Variants in CUL5 observed in about 807,000 individuals in gnomAD.
The protein encoded by CUL5 is cullin-5.
Under a neutral mutation model 108.8 loss-of-function variants are expected in CUL5, and 26 were observed. The observed-to-expected ratio is 0.24, with a 90% CI of 0.18 to 0.33. The LOEUF is 0.33. Among genes scored for constraint, CUL5 ranks in the 10% least tolerant of loss-of-function variants. The probability of loss-of-function intolerance (pLI) is 1.00; values close to 1 mark genes in which losing one functional copy is unlikely to be tolerated. For missense variants in CUL5, 524 were observed against 909.2 expected (o/e 0.58, Z 5.45); for synonymous variants, 334 against 298.0 (o/e 1.12, Z -1.25).
intron 9 of CUL5, 84 bp downstream of exon 9, chr11:108,072,546 C>T: frequency 1.6e-6 from 2 of 1,212,178 alleles, no homozygotes; most frequent in Non-Finnish European, 2.3e-6. Context: ...TGAGCGGTTA[C>T]CAGAGGCTGG....
intron 11 of CUL5, among the ~76,000 whole-genome samples, chr11:108,082,355 A>G (rs1413314588): frequency 6.7e-6 from 1 of 149,604 alleles, no homozygotes; most frequent in Non-Finnish European, 1.5e-5. Context: ...ATCATGGCTC[A>G]CTGCAGTGTT....
In CUL5 at chr11:108,033,835, G is replaced by C; in HGVS notation, c.58G>C (p.Asp20His). The C allele has an allele frequency of 6.2e-7, 1 of 1,611,608 alleles. No individual in the cohort carries two copies. The highest frequency in any genetic ancestry group is 1.1e-5 in the South Asian group (1 of 90,744). The change falls in exon 2 of 19, where the codon GAT becomes CAT. Residue 20 changes from aspartate to histidine, a missense_variant. Physicochemically the swap from Asp to His is moderately conservative, Grantham distance 81. Coordinates refer to ENST00000393094, the MANE Select transcript of CUL5 (RefSeq NM_003478.6). Reference sequence around the variant, plus strand: ...TTCTCTTCAGTTTGAAGACAAATGGGATTTTATGCGCCCGATTGTTTTGAA... The same window carrying C: ...TTCTCTTCAGTTTGAAGACAAATGGCATTTTATGCGCCCGATTGTTTTGAA... ...KGSLQFEDKW[D>H]FMRPIVLKLL...
chr11:108,032,077 G>A (rs896530067), intron 1 of CUL5, among the ~76,000 whole-genome samples: 3 of 152,044 alleles, frequency 2.0e-5, no homozygotes, highest in Admixed American at 6.6e-5. Context: ...GCTTAATCCT[G>A]GATAATGAAA....
In CUL5 at chr11:108,050,060, T is replaced by G; in HGVS notation, c.405T>G (p.Val135=). Residue 135 remains valine, a synonymous_variant, in exon 4 of 19, where the codon GTT becomes GTG. Coordinates refer to ENST00000393094, the MANE Select transcript of CUL5 (RefSeq NM_003478.6). ...AATCAAATGTGGAAGACAGTATTGT[T>G]CGAAAGGTAAGACTATTTTTCTCCT... ...NKKSNVEDSI[V]RKLMLDTWNE... is the part of the protein sequence containing the mutation. The G allele has an allele frequency of 1.9e-6, 3 of 1,597,470 alleles. No homozygotes were observed. The highest frequency in any genetic ancestry group is 2.6e-6 in the Non-Finnish European group (3 of 1,172,676).
At position 108,052,413 on chromosome 11, in the gene CUL5, C is replaced by T. The variant is rs574312744; in HGVS notation, c.412-247C>T. On this transcript the variant is annotated intron_variant, in intron 4 of 18. Transcript: ENST00000393094. ...CACTGGGACTACAGGCGTGCACCAC[C>T]ACACTGGGCTATTTTTTTTGTATTT... Among the ~76,000 whole-genome samples, 5 of 152,080 alleles carry T rather than the reference C, an allele frequency of 3.3e-5. No homozygotes were observed. In the South Asian group the frequency reaches 8.3e-4, roughly 25 times the overall value.
chr11:108,100,244 TGAA>T (rs1217529630), intron 18 of CUL5, among the ~76,000 whole-genome samples: 1 of 152,156 alleles, frequency 6.6e-6, no homozygotes, highest in Non-Finnish European at 1.5e-5. Context: ...GAAGATTAAT[TGAA>T]GAAAATAACT....
At chr11:108,016,258 C>G (rs921659381) in intron 1 of CUL5, among the ~76,000 whole-genome samples, 3 of 150,808 alleles carry the variant, frequency 2.0e-5, no homozygotes, top group Non-Finnish European at 3.0e-5. Context: ...TTCTCGTCTT[C>G]TCTTCTCTTC....
At chr11:108,099,982 C>T (rs375979743) in intron 18 of CUL5, among the ~76,000 whole-genome samples, 59 of 151,420 alleles carry the variant, frequency 3.9e-4, no homozygotes, top group Non-Finnish European at 6.5e-4. Context: ...GCACATGCCA[C>T]GGCACCTGGC....
intron 1 of CUL5, among the ~76,000 whole-genome samples, chr11:108,021,311 G>A (rs962794051): frequency 5.3e-5 from 8 of 152,136 alleles, no homozygotes; most frequent in Admixed American, 6.5e-5. Flanking sequence ...TGTTATGGGC[G>A]TGTAAAAGTA....
intron 1 of CUL5, among the ~76,000 whole-genome samples, chr11:108,028,351 G>C (rs1373333240): frequency 3.3e-5 from 5 of 152,080 alleles, no homozygotes; most frequent in Non-Finnish European, 5.9e-5. Flanking sequence ...GATGCTTACT[G>C]TTAGGAAGTC....
intron 2 of CUL5, among the ~76,000 whole-genome samples, chr11:108,041,376 C>T (rs930742368): frequency 1.3e-5 from 2 of 151,442 alleles, no homozygotes; most frequent in Admixed American, 1.3e-4. Context: ...CTCCCAGGCT[C>T]AAGCGATTCT....
In CUL5 at chr11:108,098,591, TA is replaced by T. The variant is rs1288814601; in HGVS notation, c.2148+65del. On this transcript the variant is annotated intron_variant, in intron 18 of 18. Transcript: ENST00000393094. The stretch of plus-strand genomic sequence containing the variant: ...AACTTTAGTTTTTTTTTTTTTTTTT[TA>T]AATTTTGAAATCTTTTTTGAATTTA... 9.2e-4 allele frequency: 910 copies of T among 994,188 alleles called. 1 individual carries two copies. The highest frequency in any genetic ancestry group is 3.3e-3 in the Admixed American group (84 of 25,610). The allele number at this position is 994,188 out of a possible 1,614,324, so 61.6% of individuals were successfully genotyped here.
At chr11:108,049,794 T>G in intron 3 of CUL5, 96 bp from the exon 4 acceptor site, 1 of 987,118 alleles carries the variant, frequency 1.0e-6, no homozygotes. Flanking sequence ...TACAATAATT[T>G]AAAAATTATG....
At chr11:108,052,515 G>T in intron 4 of CUL5, 145 bp from the exon 5 acceptor site, 1 of 628,658 alleles carries the variant, frequency 1.6e-6, no homozygotes, top group Non-Finnish European at 2.6e-6. Context: ...ACCTGCCTCG[G>T]CCTCCCAAAT....
intron 13 of CUL5, 112 bp from the exon 14 acceptor site, chr11:108,094,279 G>A: frequency 1.2e-6 from 1 of 814,000 alleles, no homozygotes; most frequent in Non-Finnish European, 1.9e-6. Context: ...TAATAAATGA[G>A]AAAAATTTTG....
chr11:108,012,902 A>C (rs969266219), intron 1 of CUL5, among the ~76,000 whole-genome samples: 1 of 152,056 alleles, frequency 6.6e-6, no homozygotes, highest in East Asian at 1.9e-4. Flanking sequence ...CTGCCTCCTC[A>C]TACAAACTTG....
In CUL5 at chr11:108,018,683, A is replaced by T. The variant is rs189604875; in HGVS notation, c.24+9311A>T. ...GAGTGAGACTGTGTCTTAAAAAAAA[A>T]AGAGAGAGAGAAACATCACATATAT... On this transcript the variant is annotated intron_variant, in intron 1 of 18. Coordinates refer to ENST00000393094, the MANE Select transcript of CUL5 (RefSeq NM_003478.6). Among the ~76,000 whole-genome samples, 291 of 149,380 alleles carry T rather than the reference A, an allele frequency of 1.9e-3. 1 individual carries two copies. Among genetic ancestry groups the T allele is most frequent in the African/African-American group, 6.9e-3 (269 of 38,868 alleles).
intron 1 of CUL5, among the ~76,000 whole-genome samples, chr11:108,023,551 A>C (rs1388722027): frequency 6.6e-6 from 1 of 151,980 alleles, no homozygotes; most frequent in Non-Finnish European, 1.5e-5. Context: ...AAAGAAAAAA[A>C]ACAAAGAATA....
rs11212487 is a variant in CUL5 at position 108,020,141 on chromosome 11, C to G, written c.24+10769C>G. 4.6e-4 allele frequency among the ~76,000 whole-genome samples: 70 copies of G among 152,218 alleles called. 1 individual carries two copies. The East Asian group carries it at 0.01, about 22-fold the overall frequency. On this transcript the variant is annotated intron_variant, in intron 1 of 18. Transcript: ENST00000393094. ...TTGGGGATCAAATTTCAACATGAGGCTTGGTGGACAAACATCCAAACTGTA... is the reference window on the plus strand; with the variant it reads ...TTGGGGATCAAATTTCAACATGAGGGTTGGTGGACAAACATCCAAACTGTA...
Sources: gnomAD v4.1 joint callset for allele counts (sites outside exome capture counted in the v4.1 genomes callset) on GRCh38, gnomAD v4.1.1 for gene constraint, MANE v1.5 for transcripts, NCBI Gene and HGNC (gene_info 2026-07-23, HGNC 2026-07-21) for gene names.